PRDM6: variants seen among roughly 807,000 people sequenced by gnomAD.
PRDM6 encodes PR/SET domain 6.
A neutral mutation model predicts 60.8 loss-of-function variants in PRDM6; 25 were observed. That is an observed-to-expected ratio of 0.41 (90% CI 0.30 to 0.57). The LOEUF is 0.57. Among genes scored for constraint, PRDM6 ranks in the 20% least tolerant of loss-of-function variants. The pLI, the probability that PRDM6 is intolerant of heterozygous loss-of-function variation, is 0.27. For synonymous variants in PRDM6, 407 were observed against 357.4 expected (o/e 1.14, Z -1.57); for missense variants, 839 against 821.3 (o/e 1.02, Z -0.26).
At chr5:123,129,734 A>C (rs1022705227) in intron 3 of PRDM6, among the ~76,000 whole-genome samples, 4 of 152,214 alleles carry the variant, frequency 2.6e-5, no homozygotes, top group African/African-American at 9.6e-5. Flanking sequence ...ATTTGAGGAC[A>C]TTAAATAAAG....
intron 3 of PRDM6, among the ~76,000 whole-genome samples, chr5:123,119,386 A>C (rs1486602797): frequency 2.6e-5 from 4 of 152,208 alleles, no homozygotes; most frequent in Non-Finnish European, 5.9e-5. Context: ...GTGAGGAAAG[A>C]AGTGAAGGGA....
At chr5:123,163,135 G>A (rs1422962068) in intron 5 of PRDM6, among the ~76,000 whole-genome samples, 1 of 152,072 alleles carries the variant, frequency 6.6e-6, no homozygotes, top group Non-Finnish European at 1.5e-5. Context: ...AGGGCTCTGC[G>A]CACAGTGAAC....
chr5:123,190,775 A>G lies in PRDM6; in HGVS notation c.*3574A>G, dbSNP rs781076553. 4 of 152,204 alleles carry G rather than the reference A, an allele frequency of 2.6e-5. No homozygotes were observed. The highest frequency in any genetic ancestry group is 5.9e-5 in the Non-Finnish European group (4 of 68,038). 9.4% of individuals were successfully genotyped at this position (152,204 alleles called of 1,614,324 possible). On this transcript the variant is annotated 3_prime_UTR_variant, in exon 8 of 8. Coordinates refer to ENST00000407847, the MANE Select transcript of PRDM6 (RefSeq NM_001136239.4). ...AGTATTTATTGAACTCTTATTTTAT[A>G]TAAAGACCCCATTTTATGTGTTCAC...
At position 123,099,998 on chromosome 5, in the gene PRDM6, A is replaced by G; in HGVS notation, c.900+37A>G. On this transcript the variant is annotated intron_variant, in intron 3 of 7. Coordinates refer to ENST00000407847, the MANE Select transcript of PRDM6 (RefSeq NM_001136239.4). This position sits in a 1 kb window ranked among gnomAD's most constrained non-coding sequence, Gnocchi z 4.0. ...GCTGCACAGCGCCTCCCCACCGAGC[A>G]GGAGCCTTGGCCAGCAGGGAGCCTT... 1 of 1,463,998 alleles carries G rather than the reference A, an allele frequency of 6.8e-7. No homozygotes were observed. The highest frequency in any genetic ancestry group is 9.1e-7 in the Non-Finnish European group (1 of 1,100,996). The allele number at this position is 1,463,998 out of a possible 1,614,324, so 90.7% of individuals were successfully genotyped here.
intron 5 of PRDM6, among the ~76,000 whole-genome samples, chr5:123,163,817 A>G (rs1765686313): frequency 6.6e-6 from 1 of 152,218 alleles, no homozygotes; most frequent in South Asian, 2.1e-4. Flanking sequence ...TTTCTGTCTC[A>G]GCATATGAAG....
rs867103747 is a variant in PRDM6, at chr5:123,099,891, T to C, written c.830T>C (p.Phe277Ser). The C allele has an allele frequency of 3.2e-6, 5 of 1,548,994 alleles. No individual in the cohort carries two copies. The highest frequency in any genetic ancestry group is 3.9e-5 in the Admixed American group (2 of 50,828). Reference protein sequence around the residue: ...RIQQGTWIGPFQGVLLPPEKV... With the variant: ...RIQQGTWIGPSQGVLLPPEKV... ...CAGCAAGGCACCTGGATTGGACCTT[T>C]CCAAGGCGTGCTTCTGCCCCCAGAG... is the stretch of plus-strand genomic sequence containing the variant. Residue 277 changes from phenylalanine (F) to serine (S), a missense_variant, in exon 3 of 8, where the codon TTC becomes TCC. Phe to Ser is a radical substitution (Grantham distance 155, BLOSUM62 -2). Coordinates refer to ENST00000407847, the MANE Select transcript of PRDM6 (RefSeq NM_001136239.4). This position sits in a 1 kb window ranked among gnomAD's most constrained non-coding sequence, Gnocchi z 4.0.
chr5:123,166,334 C>A (rs1765752297), intron 5 of PRDM6, among the ~76,000 whole-genome samples: 1 of 152,238 alleles, frequency 6.6e-6, no homozygotes, highest in African/African-American at 2.4e-5. Flanking sequence ...GCCCGTGTAC[C>A]CCTCAGGAAC....
In PRDM6 at chr5:123,090,046, CCTTCCTCAAA is replaced by C; in HGVS notation, c.33_42del (p.Phe12TrpfsTer30). 6.5e-7 allele frequency: 1 copy of C among 1,548,330 alleles called. No homozygotes were observed. Among genetic ancestry groups the C allele is most frequent in the Non-Finnish European group, 8.7e-7 (1 of 1,146,056 alleles). ...AAGCCCGGAGACCCCGGCGGTTCGG[CCTTCCTCAAA>C]GTGGACCCAGCCTACCTGCAGCACT... is the stretch of plus-strand genomic sequence containing the variant. On this transcript the variant is annotated frameshift_variant, in exon 2 of 8. Transcript: ENST00000407847. LOFTEE classifies it high-confidence loss of function.
At chr5:123,165,890 T>A (rs1430886247) in intron 5 of PRDM6, among the ~76,000 whole-genome samples, 2 of 152,222 alleles carry the variant, frequency 1.3e-5, no homozygotes, top group Non-Finnish European at 2.9e-5. Flanking sequence ...TTTTTTTGGC[T>A]TGCCATTACT....
chr5:123,165,047 G>C (rs1580531450), intron 5 of PRDM6, among the ~76,000 whole-genome samples: 1 of 152,130 alleles, frequency 6.6e-6, no homozygotes, highest in Admixed American at 6.5e-5. Flanking sequence ...TTCCCAACAG[G>C]TGTTGATCCT....
In PRDM6 at chr5:123,099,585, C is replaced by A; in HGVS notation, c.593-69C>A. 4.4e-6 allele frequency: 6 copies of A among 1,378,276 alleles called. No homozygotes were observed. Among genetic ancestry groups the A allele is most frequent in the Non-Finnish European group, 5.7e-6 (6 of 1,052,722 alleles). The allele number at this position is 1,378,276 out of a possible 1,614,324, so 85.4% of individuals were successfully genotyped here. On this transcript the variant is annotated intron_variant, in intron 2 of 7. Transcript: ENST00000407847. The surrounding 1 kb of genome is among the most constrained non-coding windows in gnomAD (Gnocchi z 4.0). ...GATGCTGTTGTCTCGGGAGTTTACT[C>A]AAAGATGGGCCGCTCGGGGCGGCCG...
intron 3 of PRDM6, among the ~76,000 whole-genome samples, chr5:123,155,667 A>G (rs988028913): frequency 6.6e-6 from 1 of 152,356 alleles, no homozygotes; most frequent in South Asian, 2.1e-4. Context: ...TGTTTAATAC[A>G]GAGAAGATTG....
chr5:123,179,208 C>T (rs1002691618), intron 6 of PRDM6, among the ~76,000 whole-genome samples: 2 of 152,144 alleles, frequency 1.3e-5, no homozygotes, highest in African/African-American at 4.8e-5. Flanking sequence ...ATTTACTTCT[C>T]GTGAGCTGGG....
chr5:123,165,074 C>T (rs554657120), intron 5 of PRDM6, among the ~76,000 whole-genome samples: 34 of 152,260 alleles, frequency 2.2e-4, no homozygotes, highest in Admixed American at 2.2e-3. Context: ...AATCCCCAAA[C>T]CCCAAATCCC....
chr5:123,173,273 A>G (rs937359590), intron 6 of PRDM6: 2 of 157,550 alleles, frequency 1.3e-5, no homozygotes, highest in African/African-American at 4.8e-5. Context: ...ATACTTATGT[A>G]TATTATCAGA....
chr5:123,127,530 A>C (rs1397779947), intron 3 of PRDM6, among the ~76,000 whole-genome samples: 4 of 152,200 alleles, frequency 2.6e-5, no homozygotes, highest in Non-Finnish European at 5.9e-5. Context: ...GGTTGAAAAA[A>C]TTTAAGCATT....
intron 3 of PRDM6, among the ~76,000 whole-genome samples, chr5:123,114,726 G>A (rs1764395125): frequency 6.6e-6 from 1 of 152,216 alleles, no homozygotes; most frequent in Non-Finnish European, 1.5e-5. Flanking sequence ...GGGAGGCCAG[G>A]GTGCTGAAAG....
chr5:123,141,498 G>T (rs1286912758), intron 3 of PRDM6, among the ~76,000 whole-genome samples: 2 of 152,060 alleles, frequency 1.3e-5, no homozygotes, highest in Non-Finnish European at 2.9e-5. Flanking sequence ...ACTATTTGCA[G>T]CCCTTGATAT....
chr5:123,123,335 C>A (rs1296642952), intron 3 of PRDM6, among the ~76,000 whole-genome samples: 2 of 152,058 alleles, frequency 1.3e-5, no homozygotes, highest in East Asian at 3.9e-4. Context: ...TTGGAAAACA[C>A]CTTTTGGAGG....
Sources: gnomAD v4.1 joint callset for allele counts (sites outside exome capture counted in the v4.1 genomes callset) on GRCh38, gnomAD v4.1.1 for gene constraint, Gnocchi (gnomAD v3.1) non-coding constraint, MANE v1.5 for transcripts, NCBI Gene and HGNC (gene_info 2026-07-23, HGNC 2026-07-21) for gene names.